The following SEMA3A variants were observed in gnomAD, a reference collection of about 807,000 sequenced individuals.
SEMA3A encodes the protein semaphorin 3A.
Under a neutral mutation model 97.9 loss-of-function variants are expected in SEMA3A, and 29 were observed. That is an observed-to-expected ratio of 0.30 (90% CI 0.22 to 0.40). The LOEUF (loss-of-function observed/expected upper bound fraction) is 0.40. Among genes scored for constraint, SEMA3A ranks in the 10% least tolerant of loss-of-function variants. SEMA3A has a pLI of 1.00. For synonymous variants in SEMA3A, 321 were observed against 323.7 expected, an observed-to-expected ratio of 0.99 and a Z score of 0.09; for missense variants, 763 against 951.3, an observed-to-expected ratio of 0.80 and a Z score of 2.60.
chr7:84,293,421 T>G (rs928988751), intron 3 of SEMA3A, among the ~76,000 whole-genome samples: 5 of 152,044 alleles, frequency 3.3e-5, no homozygotes, highest in African/African-American at 1.2e-4. Context: ...GTATTTGGCA[T>G]GTAGACTAGG....
At chr7:84,027,130 A>AT (rs1478043397) in intron 6 of SEMA3A, among the ~76,000 whole-genome samples, 1 of 152,160 alleles carries the variant, frequency 6.6e-6, no homozygotes, top group Non-Finnish European at 1.5e-5. Flanking sequence ...AATATACACA[A>AT]TTTTTTAATG....
chr7:84,336,072 C>G (rs1165128443), intron 2 of SEMA3A, among the ~76,000 whole-genome samples: 1 of 152,094 alleles, frequency 6.6e-6, no homozygotes, highest in Non-Finnish European at 1.5e-5. Context: ...CCAGTAACAG[C>G]ATGATCTTCT....
At chr7:84,473,201 T>C (rs1228909) in intron 1 of SEMA3A, among the ~76,000 whole-genome samples, 26,859 of 150,304 alleles carry the variant, frequency 0.18, 2,545 homozygotes, top group Middle Eastern at 0.23. Flanking sequence ...TAAGTATTAG[T>C]TTCCTTCTTT....
At chr7:84,403,029 G>C (rs1803951488) in intron 1 of SEMA3A, among the ~76,000 whole-genome samples, 1 of 152,138 alleles carries the variant, frequency 6.6e-6, no homozygotes, top group Non-Finnish European at 1.5e-5. Flanking sequence ...CATCTCACTG[G>C]GGAGTGCCGG....
chr7:84,304,523 C>T (rs945376183), intron 3 of SEMA3A, among the ~76,000 whole-genome samples: 18 of 151,716 alleles, frequency 1.2e-4, no homozygotes, highest in Non-Finnish European at 2.9e-5. Flanking sequence ...TCAAAACTAA[C>T]CACAGAAAAG....
At chr7:84,470,116 A>T (rs549772363) in intron 1 of SEMA3A, among the ~76,000 whole-genome samples, 1 of 152,062 alleles carries the variant, frequency 6.6e-6, no homozygotes, top group African/African-American at 2.4e-5. Flanking sequence ...TTATTCGTAG[A>T]TAATCTAACA....
chr7:84,324,548 G>A (rs1801728255), intron 2 of SEMA3A, among the ~76,000 whole-genome samples: 1 of 152,080 alleles, frequency 6.6e-6, no homozygotes, highest in African/African-American at 2.4e-5. Context: ...TGTTTTGGCT[G>A]ATAGATAGCA....
At chr7:83,964,884 CTTGAA>C (rs1182652880) in intron 15 of SEMA3A, among the ~76,000 whole-genome samples, 2 of 151,700 alleles carry the variant, frequency 1.3e-5, no homozygotes, top group African/African-American at 2.4e-5. Flanking sequence ...ATTAGTGCGT[CTTGAA>C]TTGAATGCAT....
At chr7:84,090,373 T>C (rs947687703) in intron 4 of SEMA3A, among the ~76,000 whole-genome samples, 4 of 152,172 alleles carry the variant, frequency 2.6e-5, no homozygotes, top group Admixed American at 2.0e-4. Flanking sequence ...TAAAACTTCT[T>C]TATGTATTGA....
At chr7:84,067,549 C>T in intron 4 of SEMA3A, among the ~76,000 whole-genome samples, 1 of 152,206 alleles carries the variant, frequency 6.6e-6, no homozygotes, top group East Asian at 1.9e-4. Context: ...TATCCAGAAT[C>T]TACATTGAAC....
chr7:84,001,118 C>T (rs1024766016), intron 12 of SEMA3A, among the ~76,000 whole-genome samples: 2 of 150,052 alleles, frequency 1.3e-5, no homozygotes, highest in Non-Finnish European at 3.0e-5. Context: ...TTGCTCTATT[C>T]TTTTATCAAA....
intron 1 of SEMA3A, among the ~76,000 whole-genome samples, chr7:84,463,237 C>CTTTTTTTTTTTTTTTTT (rs59465422): frequency 5.6e-5 from 4 of 71,368 alleles, no homozygotes; most frequent in African/African-American, 2.2e-4. Context: ...TGTAACTATT[C>CTTTTTTTTTTTTTTTTT]TTTTTTTTTT....
rs1019009490 is a variant in SEMA3A at position 84,299,255 on chromosome 7, T to C, written c.-83+7952A>G. 5.0e-4 allele frequency among the ~76,000 whole-genome samples: 34 copies of C among 67,518 alleles called. 1 individual carries two copies. Among genetic ancestry groups the C allele is most frequent in the Non-Finnish European group, 4.3e-4 (9 of 21,052 alleles). 44.3% of individuals were successfully genotyped at this position (67,518 alleles called of 152,430 possible). A position where few individuals can be genotyped will look rare whatever the true frequency, so the allele number is the denominator to read the frequency against. On this transcript the variant is annotated intron_variant, in intron 3 of 3. Coordinates refer to the SEMA3A transcript ENST00000424555. Reference sequence around the variant, plus strand: ...ATAAAACAGTGTGTATATATATATATATATCTCCATATATATATCTCCATA... The same window carrying C: ...ATAAAACAGTGTGTATATATATATACATATCTCCATATATATATCTCCATA...
intron 1 of SEMA3A, among the ~76,000 whole-genome samples, chr7:84,489,740 T>C (rs562914246): frequency 4.2e-4 from 50 of 119,078 alleles, no homozygotes; most frequent in African/African-American, 1.8e-3. Flanking sequence ...GCGTTCAAAA[T>C]TGAACTCCTT....
At chr7:84,179,800 G>A (rs1269846890) in intron 1 of SEMA3A, among the ~76,000 whole-genome samples, 2 of 151,506 alleles carry the variant, frequency 1.3e-5, no homozygotes, top group Non-Finnish European at 2.9e-5. Flanking sequence ...AAGCAAGAGT[G>A]TAATATTATG....
At chr7:84,102,427 C>T (rs1017286125) in intron 4 of SEMA3A, among the ~76,000 whole-genome samples, 1 of 151,990 alleles carries the variant, frequency 6.6e-6, no homozygotes, top group African/African-American at 2.4e-5. Context: ...CTGGATGAGA[C>T]ATTAATCCAG....
At chr7:84,476,572 T>G (rs1806287363) in intron 1 of SEMA3A, among the ~76,000 whole-genome samples, 2 of 152,028 alleles carry the variant, frequency 1.3e-5, no homozygotes, top group South Asian at 4.1e-4. Context: ...TTCAAGTGCC[T>G]AAAAGTATAT....
chr7:83,984,557 G>C (rs1789550449), intron 13 of SEMA3A, among the ~76,000 whole-genome samples: 1 of 137,704 alleles, frequency 7.3e-6, no homozygotes, highest in Non-Finnish European at 1.5e-5. Flanking sequence ...TTGTATATAA[G>C]TTTTTACTCT....
At chr7:84,424,928 T>TATAAATATA (rs1268037937) in intron 1 of SEMA3A, among the ~76,000 whole-genome samples, 28 of 98,858 alleles carry the variant, frequency 2.8e-4, no homozygotes, top group African/African-American at 1.1e-3. Flanking sequence ...TATATATTTA[T>TATAAATATA]ATTTATATAA....
Sources: gnomAD v4.1 joint callset for allele counts (sites outside exome capture counted in the v4.1 genomes callset) on GRCh38, gnomAD v4.1.1 for gene constraint, MANE v1.5 for transcripts, NCBI Gene and HGNC (gene_info 2026-07-23, HGNC 2026-07-21) for gene names.